The following ZCCHC4 variants were observed in gnomAD, a reference collection of about 807,000 sequenced individuals.
The protein encoded by ZCCHC4 is rRNA N(6)-adenosine-methyltransferase ZCCHC4.
ZCCHC4 carries 54 observed loss-of-function variants against 67.7 expected under a neutral mutation model. The ratio of observed to expected loss-of-function variants is 0.80; its 90% CI spans 0.64 to 1.00. The LOEUF is 1.00. ZCCHC4 is among the 50% of genes least tolerant of loss of function. ZCCHC4 has a pLI of 0.00. For synonymous variants in ZCCHC4, 198 were observed against 213.5 expected (o/e 0.93, Z 0.63); for missense variants, 609 against 617.0 (o/e 0.99, Z 0.14).
intron 5 of ZCCHC4, among the ~76,000 whole-genome samples, chr4:25,334,977 A>G (rs1432269599): frequency 6.6e-6 from 1 of 152,082 alleles, no homozygotes; most frequent in Admixed American, 6.6e-5. Context: ...AGCTAGGACT[A>G]CAGGTTAGCA....
chr4:25,361,936 C>G lies in ZCCHC4; in HGVS notation c.1089C>G (p.Asn363Lys). Reference sequence around the variant, plus strand: ...AGTCTCCCGTGCGTATTTTCACCAACATTCCGCCCAACAAAATAATCCTTC... The same window carrying G: ...AGTCTCCCGTGCGTATTTTCACCAAGATTCCGCCCAACAAAATAATCCTTC... ...RKQSPVRIFT[N>K]IPPNKIILPT... is the part of the protein sequence containing the mutation. Residue 363 changes from asparagine to lysine, a missense_variant, in exon 9 of 13, where the codon AAC (asparagine) becomes AAG (lysine). By Grantham distance (94) the Asn-to-Lys change is moderately conservative. Coordinates refer to ENST00000302874, the MANE Select transcript of ZCCHC4 (RefSeq NM_024936.3). The G allele has an allele frequency of 6.2e-7, 1 of 1,614,104 alleles. No homozygotes were observed. Among genetic ancestry groups the G allele is most frequent in the East Asian group, 2.2e-5 (1 of 44,882 alleles).
chr4:25,336,616 A>G (rs1036245149), intron 5 of ZCCHC4, among the ~76,000 whole-genome samples: 1 of 152,208 alleles, frequency 6.6e-6, no homozygotes, highest in Non-Finnish European at 1.5e-5. Flanking sequence ...CCTCCCCAGC[A>G]GCTGGGATTA....
intron 8 of ZCCHC4, chr4:25,352,409 T>C: frequency 1.0e-6 from 1 of 985,402 alleles, no homozygotes; most frequent in Non-Finnish European, 1.2e-6. Context: ...AGGCAGGTAC[T>C]GCTTCTTTTT....
chr4:25,329,061 C>T (rs1344271991), intron 3 of ZCCHC4, among the ~76,000 whole-genome samples: 1 of 151,918 alleles, frequency 6.6e-6, no homozygotes, highest in African/African-American at 2.4e-5. Context: ...GTGGCAAGCA[C>T]CTGTAGTTGT....
At position 25,366,171 on chromosome 4, in the gene ZCCHC4, T is replaced by C. The variant is rs896600622; in HGVS notation, c.1406+1005T>C. Reference sequence around the variant, plus strand: ...TGGTCAGTGAAAATTTTTTTTTCCATTGTGGTCTAGCCACTTGAATTCTGG... The same window carrying C: ...TGGTCAGTGAAAATTTTTTTTTCCACTGTGGTCTAGCCACTTGAATTCTGG... On this transcript the variant is annotated intron_variant, in intron 12 of 12. Coordinates refer to ENST00000302874, the MANE Select transcript of ZCCHC4 (RefSeq NM_024936.3). 4 of 983,420 alleles carry C rather than the reference T, an allele frequency of 4.1e-6. No homozygotes were observed. The South Asian group carries it at 1.4e-4, about 35-fold the overall frequency. The allele number at this position is 983,420 out of a possible 1,614,324, so 60.9% of individuals were successfully genotyped here.
At chr4:25,332,196 T>C (rs1719217138) in intron 3 of ZCCHC4, among the ~76,000 whole-genome samples, 1 of 150,814 alleles carries the variant, frequency 6.6e-6, no homozygotes, top group Admixed American at 6.7e-5. Flanking sequence ...TAGTCCCAGC[T>C]ACTTGGGAGG....
chr4:25,319,099 G>A (rs1474290353), intron 3 of ZCCHC4, among the ~76,000 whole-genome samples: 1 of 152,186 alleles, frequency 6.6e-6, no homozygotes, highest in East Asian at 1.9e-4. Flanking sequence ...AAGGCTAAGT[G>A]CTGGCCGGGT....
chr4:25,345,621 GTAAGAGC>G lies in ZCCHC4; in HGVS notation c.759+3_759+9del. ...TAACCATCATTTCTTTGATGGAAAG[GTAAGAGC>G]TGTGACCATTATCTCATTGTTCTCT... On this transcript the variant is annotated splice_donor_variant and splice_donor_5th_base_variant and intron_variant, in intron 6 of 12. Transcript: ENST00000302874. LOFTEE classifies it high-confidence loss of function. 6.4e-7 allele frequency: 1 copy of G among 1,556,436 alleles called. No individual in the cohort carries two copies. Among genetic ancestry groups the G allele is most frequent in the Non-Finnish European group, 8.8e-7 (1 of 1,132,790 alleles).
At chr4:25,360,208 A>G (rs972979034) in intron 8 of ZCCHC4, among the ~76,000 whole-genome samples, 2 of 152,220 alleles carry the variant, frequency 1.3e-5, no homozygotes, top group Non-Finnish European at 2.9e-5. Flanking sequence ...CTAACCTCTG[A>G]TTCTCTTGCA....
chr4:25,351,752 A>G, intron 8 of ZCCHC4, 63 bp downstream of exon 8: 2 of 1,348,926 alleles, frequency 1.5e-6, no homozygotes, highest in South Asian at 1.3e-5. Context: ...GAATAGATAT[A>G]AGACTATTCA....
chr4:25,349,532 A>C lies in ZCCHC4; in HGVS notation c.800A>C (p.Lys267Thr). ...TGCAGAGCATTTTTACAGGAAGATA[A>C]AGGCGAAGGAATCATTATGGTGACG... is the stretch of plus-strand genomic sequence containing the variant. ...EVCRAFLQED[K>T]GEGIIMVTDP... Residue 267 changes from lysine (K) to threonine (T), a missense_variant, in exon 7 of 13, where the codon AAA becomes ACA. Lys to Thr is a moderately conservative substitution (Grantham distance 78). Transcript: ENST00000302874. 1 of 1,614,024 alleles carries C rather than the reference A, an allele frequency of 6.2e-7. No homozygotes were observed.
At position 25,362,245 on chromosome 4, in the gene ZCCHC4, C is replaced by T. The variant is rs376600571; in HGVS notation, c.1153C>T (p.Arg385Trp). 38 of 1,610,984 alleles carry T rather than the reference C, an allele frequency of 2.4e-5. No homozygotes were observed. Among genetic ancestry groups the T allele is most frequent in the Admixed American group, 1.0e-4 (6 of 59,782 alleles). ...EGYRFCSPCQ[R>W]YVSLENQHCE... ...CTCTAGATTTTGCTCTCCGTGTCAA[C>T]GGTATGTTTCTCTAGAGAATCAACA... The change falls in exon 10 of 13, where the codon CGG becomes TGG. Residue 385 changes from arginine to tryptophan, a missense_variant. Transcript: ENST00000302874.
In ZCCHC4 at chr4:25,333,208, T is replaced by A. The variant is rs1719273473; in HGVS notation, c.355T>A (p.Leu119Met). The A allele has an allele frequency of 6.2e-7, 1 of 1,614,086 alleles. No individual in the cohort carries two copies. Among genetic ancestry groups the A allele is most frequent in the East Asian group, 2.2e-5 (1 of 44,880 alleles). ...GTACTTGAAGTTTATTGAGTTGCCC[T>A]TGACTCAGAGAAAGTTTTGTCAAAC... Reference protein sequence around the residue: ...ERYLKFIELPLTQRKFCQTCQ... With the variant: ...ERYLKFIELPMTQRKFCQTCQ... Residue 119 changes from leucine (L) to methionine (M), a missense_variant, in exon 4 of 13, where the codon TTG becomes ATG. Transcript: ENST00000302874.
intron 5 of ZCCHC4, among the ~76,000 whole-genome samples, chr4:25,337,977 T>C (rs1008856255): frequency 6.6e-6 from 1 of 152,242 alleles, no homozygotes; most frequent in Non-Finnish European, 1.5e-5. Context: ...AAAAATGATC[T>C]TTAATTCTGC....
intron 8 of ZCCHC4, among the ~76,000 whole-genome samples, chr4:25,360,051 A>G (rs755024703): frequency 6.6e-5 from 10 of 152,222 alleles, no homozygotes; most frequent in Non-Finnish European, 1.2e-4. Context: ...CAGTATCACT[A>G]TATAGTGGAC....
intron 12 of ZCCHC4, 111 bp downstream of exon 12, chr4:25,365,277 T>C: frequency 6.6e-7 from 1 of 1,517,262 alleles, no homozygotes; most frequent in Non-Finnish European, 8.8e-7. Flanking sequence ...TAATTGTCAC[T>C]TTCACTATTA....
chr4:25,365,690 C>A, intron 12 of ZCCHC4: 3 of 984,722 alleles, frequency 3.0e-6, no homozygotes, highest in Non-Finnish European at 3.6e-6. Context: ...TACTTTTTTT[C>A]CTGTGATTAT....
chr4:25,339,939 G>A (rs1280252737), intron 5 of ZCCHC4, among the ~76,000 whole-genome samples: 1 of 151,528 alleles, frequency 6.6e-6, no homozygotes, highest in African/African-American at 2.4e-5. Flanking sequence ...GCACATCTTG[G>A]CTCACTGCAA....
At chr4:25,325,924 A>G (rs76671972) in intron 3 of ZCCHC4, among the ~76,000 whole-genome samples, 1 of 151,412 alleles carries the variant, frequency 6.6e-6, no homozygotes, top group South Asian at 2.1e-4. Context: ...GATTAGAGAG[A>G]AAAAAAAATA....
Sources: gnomAD v4.1 joint callset for allele counts (sites outside exome capture counted in the v4.1 genomes callset) on GRCh38, gnomAD v4.1.1 for gene constraint, MANE v1.5 for transcripts, NCBI Gene and HGNC (gene_info 2026-07-23, HGNC 2026-07-21) for gene names.